The following SDCCAG8 variants were observed in gnomAD, a reference collection of about 807,000 sequenced individuals.
SDCCAG8 encodes the protein SHH signaling and ciliogenesis regulator SDCCAG8, also known as serologically defined colon cancer antigen 8.
In SDCCAG8, 74 loss-of-function variants were observed where a neutral mutation model predicts 101.8. That is an observed-to-expected ratio of 0.73 (90% CI 0.60 to 0.88). SDCCAG8 has a LOEUF of 0.88. Ranked by LOEUF, SDCCAG8 falls within the 40% of genes least tolerant of loss-of-function variation. SDCCAG8 has a pLI of 0.00. For missense variants in SDCCAG8, 787 were observed against 822.6 expected (o/e 0.96, Z 0.53); for synonymous variants, 281 against 292.9 (o/e 0.96, Z 0.41).
chr1:243,410,550 A>G (rs1435936298), intron 13 of SDCCAG8, among the ~76,000 whole-genome samples: 1 of 152,162 alleles, frequency 6.6e-6, no homozygotes, highest in Non-Finnish European at 1.5e-5. Flanking sequence ...TTGGAACTTC[A>G]GACATCAGTA....
At chr1:243,430,671 C>T (rs2081678603) in intron 16 of SDCCAG8, among the ~76,000 whole-genome samples, 1 of 152,026 alleles carries the variant, frequency 6.6e-6, no homozygotes, top group East Asian at 2.0e-4. Flanking sequence ...ATCTCCTGAC[C>T]TCGTGATCCG....
At chr1:243,421,608 G>A (rs910665620) in intron 15 of SDCCAG8, among the ~76,000 whole-genome samples, 2 of 152,192 alleles carry the variant, frequency 1.3e-5, no homozygotes, top group Non-Finnish European at 2.9e-5. Flanking sequence ...TAACCCCGGG[G>A]TTTGTGAATG....
intron 8 of SDCCAG8, among the ~76,000 whole-genome samples, chr1:243,312,721 A>G (rs999545593): frequency 6.6e-6 from 1 of 151,820 alleles, no homozygotes; most frequent in Non-Finnish European, 1.5e-5. Flanking sequence ...AAAAAAAAAA[A>G]AAAATAATGG....
intron 4 of SDCCAG8, among the ~76,000 whole-genome samples, chr1:243,279,916 T>C (rs1159068946): frequency 6.6e-6 from 1 of 152,200 alleles, no homozygotes; most frequent in Non-Finnish European, 1.5e-5. Context: ...GCTGGCCTCA[T>C]AAAATGAGTT....
chr1:243,432,178 C>A (rs1463426243), intron 16 of SDCCAG8, among the ~76,000 whole-genome samples: 1 of 152,046 alleles, frequency 6.6e-6, no homozygotes, highest in Non-Finnish European at 1.5e-5. Flanking sequence ...AAAATAGAAG[C>A]CTGAAATCTT....
intron 12 of SDCCAG8, among the ~76,000 whole-genome samples, chr1:243,375,248 A>G (rs934681441): frequency 6.6e-6 from 1 of 152,134 alleles, no homozygotes; most frequent in Admixed American, 6.6e-5. Flanking sequence ...TGTGAAGATA[A>G]ACATCAGAAG....
At chr1:243,321,919 G>A (rs1364029540) in intron 9 of SDCCAG8, among the ~76,000 whole-genome samples, 1 of 152,254 alleles carries the variant, frequency 6.6e-6, no homozygotes, top group Non-Finnish European at 1.5e-5. Context: ...AAAGTGCCGG[G>A]ATTACTGGCG....
At chr1:243,308,905 G>T (rs1256184016) in intron 8 of SDCCAG8, among the ~76,000 whole-genome samples, 2 of 152,158 alleles carry the variant, frequency 1.3e-5, no homozygotes, top group African/African-American at 2.4e-5. Context: ...TTTGTGCTCA[G>T]TGTCACCTCT....
rs1203849595 is a variant in SDCCAG8, at chr1:243,415,679, T to C, written c.1617-23T>C. The C allele has an allele frequency of 1.9e-5, 31 of 1,613,630 alleles. No homozygotes were observed. The East Asian group carries it at 6.7e-4, about 35-fold the overall frequency. Reference sequence around the variant, plus strand: ...TGTGCATCTGCAGATTAAATTTCTGTATGTCTCCTCTCTGTTTTGCAGACA... The same window carrying C: ...TGTGCATCTGCAGATTAAATTTCTGCATGTCTCCTCTCTGTTTTGCAGACA... On this transcript the variant is annotated intron_variant, in intron 13 of 17. Coordinates refer to ENST00000366541, the MANE Select transcript of SDCCAG8 (RefSeq NM_006642.5).
Position 243,308,063 on chromosome 1 carries a change from C to T in SDCCAG8, c.815C>T (p.Ala272Val), listed in dbSNP as rs760305679. The part of the protein sequence containing the change: ...EQLKHKEFLL[A>V]ANTCNRVGGL... ...CTAAAGCATAAAGAATTTCTTCTGG[C>T]TGCTAATACTTGTAACCGTGTTGGT... The change falls in exon 8 of 18, where the codon GCT becomes GTT. Residue 272 changes from alanine (A) to valine (V), a missense_variant. Physicochemically the swap from Ala to Val is moderately conservative, Grantham distance 64. Coordinates refer to ENST00000366541, the MANE Select transcript of SDCCAG8 (RefSeq NM_006642.5). The T allele has an allele frequency of 3.7e-6, 6 of 1,614,126 alleles. No homozygotes were observed. The highest frequency in any genetic ancestry group is 5.1e-6 in the Non-Finnish European group (6 of 1,179,972).
chr1:243,447,612 A>T (rs2083028610), intron 16 of SDCCAG8, among the ~76,000 whole-genome samples: 1 of 152,152 alleles, frequency 6.6e-6, no homozygotes, highest in South Asian at 2.1e-4. Flanking sequence ...TGTTTTACAG[A>T]CAATCCGTCC....
chr1:243,318,036 G>A lies in SDCCAG8; in HGVS notation c.1068+1143G>A, dbSNP rs564337828. On this transcript the variant is annotated intron_variant, in intron 9 of 17. Transcript: ENST00000366541. ...CACATGCATGTGAATTGTCATTGCA[G>A]CACCCTTCACAATAGCAAACGTAAA... 1.4e-4 allele frequency: 64 copies of A among 456,604 alleles called. 1 individual carries two copies. Among genetic ancestry groups the A allele is most frequent in the South Asian group, 9.4e-4 (61 of 64,562 alleles). 28.3% of individuals were successfully genotyped at this position (456,604 alleles called of 1,614,324 possible).
Position 243,415,604 on chromosome 1 carries a change from A to G in SDCCAG8, c.1617-98A>G. On this transcript the variant is annotated intron_variant, in intron 13 of 17. Coordinates refer to ENST00000366541, the MANE Select transcript of SDCCAG8 (RefSeq NM_006642.5). ...GGTCCTTGTCTTCTTATGCTTAACA[A>G]TTTACTACGTATCAGCTCTCTCTGG... is the stretch of plus-strand genomic sequence containing the variant. The G allele has an allele frequency of 3.2e-6, 5 of 1,546,674 alleles. No individual in the cohort carries two copies. In the South Asian group the frequency reaches 4.5e-5, roughly 14 times the overall value.
intron 1 of SDCCAG8, among the ~76,000 whole-genome samples, chr1:243,260,264 G>A (rs1305166513): frequency 6.6e-6 from 1 of 152,150 alleles, no homozygotes; most frequent in Non-Finnish European, 1.5e-5. Context: ...TGGGTATCCT[G>A]GGAACCACAG....
At chr1:243,323,739 C>T (rs928294783) in intron 9 of SDCCAG8, among the ~76,000 whole-genome samples, 3 of 152,166 alleles carry the variant, frequency 2.0e-5, no homozygotes, top group African/African-American at 4.8e-5. Flanking sequence ...CTGAAGTGCT[C>T]GCTTCATGAT....
At position 243,308,190 on chromosome 1, in the gene SDCCAG8, C is replaced by G. The variant is rs201615763; in HGVS notation, c.929+13C>G. The G allele has an allele frequency of 2.5e-6, 4 of 1,613,942 alleles. No homozygotes were observed. The highest frequency in any genetic ancestry group is 1.7e-5 in the Admixed American group (1 of 60,032). On this transcript the variant is annotated intron_variant, in intron 8 of 17. Coordinates refer to ENST00000366541, the MANE Select transcript of SDCCAG8 (RefSeq NM_006642.5). ...AAAGACTGGTTAAGTAAGTATGCTTCTACGCGCACGGAGACTTTGGCAATA... is the reference window on the plus strand; with the variant it reads ...AAAGACTGGTTAAGTAAGTATGCTTGTACGCGCACGGAGACTTTGGCAATA...
intron 13 of SDCCAG8, 107 bp from the exon 14 acceptor site, chr1:243,415,595 T>C (rs1235988327): frequency 1.1e-5 from 16 of 1,500,586 alleles, no homozygotes; most frequent in African/African-American, 6.9e-5. Flanking sequence ...TGTCTTCTTA[T>C]GCTTAACAAT....
At chr1:243,296,081 T>G (rs1015492840) in intron 6 of SDCCAG8, among the ~76,000 whole-genome samples, 3 of 152,004 alleles carry the variant, frequency 2.0e-5, no homozygotes, top group African/African-American at 7.2e-5. Context: ...CTGCAACCTG[T>G]ACCTCCTGGG....
chr1:243,305,163 G>C, intron 7 of SDCCAG8: 1 of 211,676 alleles, frequency 4.7e-6, no homozygotes, highest in Non-Finnish European at 9.5e-6. Flanking sequence ...AAATTAGCTG[G>C]GCCTGGTAGC....
Sources: gnomAD v4.1 joint callset for allele counts (sites outside exome capture counted in the v4.1 genomes callset) on GRCh38, gnomAD v4.1.1 for gene constraint, MANE v1.5 for transcripts, NCBI Gene and HGNC (gene_info 2026-07-23, HGNC 2026-07-21) for gene names.